Variants in ARHGAP15 observed in about 807,000 individuals in gnomAD.
ARHGAP15 encodes the protein Rho GTPase activating protein 15.
In ARHGAP15, 51 loss-of-function variants were observed where a neutral mutation model predicts 63.7. The observed-to-expected ratio is 0.80, with a 90% CI of 0.64 to 1.01. The LOEUF is 1.01. ARHGAP15 is among the 50% of genes least tolerant of loss of function. The pLI is 0.00. For missense variants in ARHGAP15, 560 were observed against 564.6 expected (o/e 0.99, Z 0.08); for synonymous variants, 191 against 193.8 (o/e 0.99, Z 0.12).
chr2:143,747,166 G>A (rs1686199932), intron 13 of ARHGAP15, among the ~76,000 whole-genome samples: 1 of 151,820 alleles, frequency 6.6e-6, no homozygotes, highest in Non-Finnish European at 1.5e-5. Context: ...GTTGATAGGT[G>A]CAGCAAACCA....
In ARHGAP15 at chr2:143,610,797, C is replaced by T. The variant is rs748395811; in HGVS notation, c.1004-13336C>T. ...AGGGTACAGTGCAGTGGTGTGATCT[C>T]GGCTCACTGCAGCCTCTGCCTCCTG... On this transcript the variant is annotated intron_variant, in intron 11 of 13. Transcript: ENST00000295095. Among the ~76,000 whole-genome samples, 13 of 151,228 alleles carry T rather than the reference C, an allele frequency of 8.6e-5. No individual in the cohort carries two copies. The East Asian group carries it at 1.2e-3, about 14-fold the overall frequency.
intron 11 of ARHGAP15, among the ~76,000 whole-genome samples, chr2:143,580,402 G>A (rs1002686101): frequency 2.0e-5 from 3 of 152,038 alleles, no homozygotes; most frequent in African/African-American, 7.2e-5. Flanking sequence ...CGCCCAACAC[G>A]AATCTTATGC....
At chr2:143,340,406 A>G (rs2105284461) in intron 6 of ARHGAP15, among the ~76,000 whole-genome samples, 1 of 152,278 alleles carries the variant, frequency 6.6e-6, no homozygotes, top group South Asian at 2.1e-4. Context: ...TCCACTGTGT[A>G]AGATATTGAG....
At chr2:143,281,322 C>G (rs773678106) in intron 6 of ARHGAP15, among the ~76,000 whole-genome samples, 2 of 152,062 alleles carry the variant, frequency 1.3e-5, no homozygotes, top group Non-Finnish European at 2.9e-5. Flanking sequence ...CACCATTAGG[C>G]TACTTTAATA....
At chr2:143,673,722 T>TTGTGTGTGTGTGTGTGTG (rs70982878) in intron 12 of ARHGAP15, among the ~76,000 whole-genome samples, 1 of 54,638 alleles carries the variant, frequency 1.8e-5, no homozygotes, top group African/African-American at 4.7e-5. Flanking sequence ...AGGCCTTATA[T>TTGTGTGTGTGTGTGTGTG]TGTGTGTGTG....
At chr2:143,482,182 C>T (rs1692109378) in intron 8 of ARHGAP15, among the ~76,000 whole-genome samples, 1 of 151,940 alleles carries the variant, frequency 6.6e-6, no homozygotes, top group Admixed American at 6.6e-5. Flanking sequence ...TTATGCAAAT[C>T]AGATTAAATA....
Position 143,379,503 on chromosome 2 carries a change from G to A in ARHGAP15, c.475-56098G>A, listed in dbSNP as rs1210734759. Among the ~76,000 whole-genome samples the A allele has an allele frequency of 4.7e-3, 711 of 150,506 alleles. 8 individuals carry two copies. Among genetic ancestry groups the A allele is most frequent in the African/African-American group, 0.016 (656 of 40,916 alleles). Reference sequence around the variant, plus strand: ...GGCATATATATGTGTGTGTGTGTGTGTGTGTGTGTGTGTGTGTGTGTGTGT... The same window carrying A: ...GGCATATATATGTGTGTGTGTGTGTATGTGTGTGTGTGTGTGTGTGTGTGT... On this transcript the variant is annotated intron_variant, in intron 6 of 13. Coordinates refer to ENST00000295095, the MANE Select transcript of ARHGAP15 (RefSeq NM_018460.4).
chr2:143,711,676 C>T (rs1174062222), intron 13 of ARHGAP15, among the ~76,000 whole-genome samples: 1 of 152,164 alleles, frequency 6.6e-6, no homozygotes, highest in Non-Finnish European at 1.5e-5. Context: ...CTCATTTAAT[C>T]CTAGCACTTT....
chr2:143,172,866 G>A (rs1295095983), intron 2 of ARHGAP15, among the ~76,000 whole-genome samples: 1 of 152,040 alleles, frequency 6.6e-6, no homozygotes, highest in East Asian at 1.9e-4. Context: ...TAATTTTGAT[G>A]TCAACAACCA....
At chr2:143,472,806 G>C (rs1225159812) in intron 8 of ARHGAP15, among the ~76,000 whole-genome samples, 1 of 152,058 alleles carries the variant, frequency 6.6e-6, no homozygotes, top group Non-Finnish European at 1.5e-5. Flanking sequence ...TTGCAACATG[G>C]CACCAAGATC....
intron 13 of ARHGAP15, among the ~76,000 whole-genome samples, chr2:143,735,862 T>G (rs957040366): frequency 6.6e-6 from 1 of 152,206 alleles, no homozygotes; most frequent in Non-Finnish European, 1.5e-5. Context: ...TAGACATAAA[T>G]GAAGGCTAAC....
intron 5 of ARHGAP15, among the ~76,000 whole-genome samples, chr2:143,243,218 C>T (rs924687113): frequency 6.6e-6 from 1 of 152,018 alleles, no homozygotes; most frequent in African/African-American, 2.4e-5. Context: ...AAATGGGAAA[C>T]TTAATCCCAC....
At chr2:143,201,089 T>C (rs778751018) in intron 2 of ARHGAP15, among the ~76,000 whole-genome samples, 13 of 151,910 alleles carry the variant, frequency 8.6e-5, no homozygotes, top group Non-Finnish European at 1.5e-4. Context: ...CAAAAGGCAA[T>C]CATCGGGAGT....
chr2:143,179,875 A>C (rs1023047266), intron 2 of ARHGAP15, among the ~76,000 whole-genome samples: 7 of 146,166 alleles, frequency 4.8e-5, no homozygotes, highest in African/African-American at 1.3e-4. Flanking sequence ...CTGGGAGATA[A>C]AGTGAGACAT....
Position 143,321,610 on chromosome 2 carries a change from C to T in ARHGAP15, c.474+71010C>T, listed in dbSNP as rs116115965. Reference sequence around the variant, plus strand: ...TTCTGGACTGAGATCCTCTGCCAGACATGGAGAAGGGCCTGGGCCCCATAA... The same window carrying T: ...TTCTGGACTGAGATCCTCTGCCAGATATGGAGAAGGGCCTGGGCCCCATAA... On this transcript the variant is annotated intron_variant, in intron 6 of 13. Coordinates refer to ENST00000295095, the MANE Select transcript of ARHGAP15 (RefSeq NM_018460.4). Among the ~76,000 whole-genome samples, 736 of 152,360 alleles carry T rather than the reference C, an allele frequency of 4.8e-3. 5 individuals carry two copies. The highest frequency in any genetic ancestry group is 0.016 in the African/African-American group (677 of 41,592).
At chr2:143,453,847 C>T (rs1574471028) in intron 8 of ARHGAP15, among the ~76,000 whole-genome samples, 1 of 151,356 alleles carries the variant, frequency 6.6e-6, no homozygotes, top group East Asian at 1.9e-4. Context: ...CTTTGTTTCC[C>T]AGAGACAGGC....
At chr2:143,176,931 G>GCC (rs1336142270) in intron 2 of ARHGAP15, among the ~76,000 whole-genome samples, 1 of 152,102 alleles carries the variant, frequency 6.6e-6, no homozygotes, top group Non-Finnish European at 1.5e-5. Flanking sequence ...CCTTTCCATG[G>GCC]CCTCCTTCAG....
chr2:143,172,667 T>A (rs1690836489), intron 2 of ARHGAP15, among the ~76,000 whole-genome samples: 2 of 151,932 alleles, frequency 1.3e-5, no homozygotes, highest in Non-Finnish European at 2.9e-5. Flanking sequence ...AGAAACTGGG[T>A]GGATGATAGT....
rs562810650 is a variant in ARHGAP15 at position 143,420,060 on chromosome 2, G to GAC, written c.475-15539_475-15538dup. Among the ~76,000 whole-genome samples the GAC allele has an allele frequency of 8.5e-5, 13 of 152,224 alleles. No homozygotes were observed. The South Asian group carries it at 2.7e-3, about 32-fold the overall frequency. Reference sequence around the variant, plus strand: ...CCCAGAATCACACTACATGGCAATTGACAGTACTGCCGATATAAGTTTTAA... The same window carrying GAC: ...CCCAGAATCACACTACATGGCAATTGACACAGTACTGCCGATATAAGTTTTAA... On this transcript the variant is annotated intron_variant, in intron 6 of 13. Coordinates refer to ENST00000295095, the MANE Select transcript of ARHGAP15 (RefSeq NM_018460.4).
Sources: gnomAD v4.1 joint callset for allele counts (sites outside exome capture counted in the v4.1 genomes callset) on GRCh38, gnomAD v4.1.1 for gene constraint, MANE v1.5 for transcripts, NCBI Gene and HGNC (gene_info 2026-07-23, HGNC 2026-07-21) for gene names.